Variants in FAM217B observed in about 807,000 individuals in gnomAD.
The protein encoded by FAM217B is protein FAM217B.
For missense variants in FAM217B, 463 were observed against 456.9 expected (o/e 1.01, Z -0.12); for synonymous variants, 163 against 173.0 (o/e 0.94, Z 0.45).
chr20:59,936,901 T>C (rs1308717789), upstream of FAM217B: 1 of 151,936 alleles, frequency 6.6e-6, no homozygotes, highest in East Asian at 1.9e-4. Flanking sequence ...TAAAATATGT[T>C]TGGGGGGACA....
upstream of FAM217B, chr20:59,939,016 C>T: frequency 1.3e-6 from 2 of 1,493,112 alleles, no homozygotes; most frequent in Non-Finnish European, 1.8e-6. Context: ...CTCCAGGTGG[C>T]CGGTCCCCGC....
intron 3 of FAM217B, among the ~76,000 whole-genome samples, chr20:59,943,213 T>G (rs2060915058): frequency 6.6e-6 from 1 of 152,228 alleles, no homozygotes; most frequent in South Asian, 2.1e-4. Flanking sequence ...ATACTCATAA[T>G]GCACACAGTA....
In FAM217B at chr20:59,947,148, A is replaced by AAAG. The variant is rs1164059605; in HGVS notation, c.*2054_*2056dup. 1 of 167,112 alleles carries AAAG rather than the reference A, an allele frequency of 6.0e-6. No individual in the cohort carries two copies. The highest frequency in any genetic ancestry group is 1.5e-5 in the Non-Finnish European group (1 of 68,136). The allele number at this position is 167,112 out of a possible 1,614,324, so 10.4% of individuals were successfully genotyped here. On this transcript the variant is annotated 3_prime_UTR_variant, in exon 4 of 4. Coordinates refer to ENST00000360816, the MANE Select transcript of FAM217B (RefSeq NM_022106.3). Reference sequence around the variant, plus strand: ...TTAGAGACCTTGAATGGTTGAGGGTAAAGTGATTTATTAGTAATTCTACTT... The same window carrying AAAG: ...TTAGAGACCTTGAATGGTTGAGGGTAAAGAAGTGATTTATTAGTAATTCTACTT...
In FAM217B at chr20:59,945,621, C is replaced by T. The variant is rs1283199288; in HGVS notation, c.*526C>T. Reference sequence around the variant, plus strand: ...CCCTTAGGAGAAGCTTTAGTTCTTCCTCAAGTCAGGGAGTAGTGAGTTTGT... The same window carrying T: ...CCCTTAGGAGAAGCTTTAGTTCTTCTTCAAGTCAGGGAGTAGTGAGTTTGT... On this transcript the variant is annotated 3_prime_UTR_variant, in exon 4 of 4. Transcript: ENST00000360816. 6 of 167,684 alleles carry T rather than the reference C, an allele frequency of 3.6e-5. No homozygotes were observed. Among genetic ancestry groups the T allele is most frequent in the African/African-American group, 4.8e-5 (2 of 41,448 alleles). 10.4% of individuals were successfully genotyped at this position (167,684 alleles called of 1,614,324 possible). A position where few individuals can be genotyped will look rare whatever the true frequency, so the allele number is the denominator to read the frequency against.
chr20:59,935,688 G>A (rs1340423479), upstream of FAM217B, among the ~76,000 whole-genome samples: 5 of 152,326 alleles, frequency 3.3e-5, no homozygotes, highest in Middle Eastern at 3.4e-3. Context: ...GGAGAATTCT[G>A]CTTGAGCCCA....
upstream of FAM217B, chr20:59,936,882 A>G (rs2060865842): frequency 6.6e-6 from 1 of 152,504 alleles, no homozygotes; most frequent in Non-Finnish European, 1.5e-5. Flanking sequence ...ATCATTTTAA[A>G]TAACATATTA....
At position 59,943,973 on chromosome 20, in the gene FAM217B, G is replaced by A. The variant is rs777622355; in HGVS notation, c.30G>A (p.Val10=). The stretch of plus-strand genomic sequence containing the variant: ...ATGCTGGCCCATCTTGGAATAAAGT[G>A]CAACATTCAAAGAATTCTTCAGGAA... The part of the protein sequence containing the change: MNAGPSWNK[V]QHSKNSSGKR... The change falls in exon 4 of 4, where the codon GTG becomes GTA. Residue 10 remains valine, a synonymous_variant. Coordinates refer to ENST00000360816, the MANE Select transcript of FAM217B (RefSeq NM_022106.3). 4.5e-5 allele frequency: 73 copies of A among 1,608,562 alleles called. No homozygotes were observed. Among genetic ancestry groups the A allele is most frequent in the Non-Finnish European group, 5.9e-5 (69 of 1,178,328 alleles).
rs985868442 is a variant in FAM217B, at chr20:59,947,700, G to A, written c.*2605G>A. ...TGACTATTTTAACCAATATTGTCAC[G>A]ACTAGATCATAGCTCCTAGTGAATA... On this transcript the variant is annotated 3_prime_UTR_variant, in exon 4 of 4. Coordinates refer to ENST00000360816, the MANE Select transcript of FAM217B (RefSeq NM_022106.3). 1.2e-5 allele frequency: 2 copies of A among 166,954 alleles called. No individual in the cohort carries two copies. Among genetic ancestry groups the A allele is most frequent in the African/African-American group, 4.8e-5 (2 of 41,396 alleles). 10.3% of individuals were successfully genotyped at this position (166,954 alleles called of 1,614,324 possible). A position where few individuals can be genotyped will look rare whatever the true frequency, so the allele number is the denominator to read the frequency against.
chr20:59,940,014 C>A, upstream of FAM217B: 1 of 1,147,494 alleles, frequency 8.7e-7, no homozygotes, highest in Non-Finnish European at 1.1e-6. Context: ...GCTCAGAAGC[C>A]GCAGAGAGTC....
chr20:59,934,370 G>A (rs1302190541), intron 1 of FAM217B, among the ~76,000 whole-genome samples: 1 of 152,238 alleles, frequency 6.6e-6, no homozygotes, highest in Non-Finnish European at 1.5e-5. Context: ...TTCTGAGACA[G>A]GCACAGCCGC....
upstream of FAM217B, chr20:59,939,635 C>T: frequency 1.9e-6 from 3 of 1,573,208 alleles, no homozygotes; most frequent in Non-Finnish European, 2.6e-6. Context: ...CGCGGAGCTT[C>T]TGGCTGCAGC....
At chr20:59,934,310 C>A (rs1326301823) in intron 1 of FAM217B, among the ~76,000 whole-genome samples, 1 of 152,228 alleles carries the variant, frequency 6.6e-6, no homozygotes, top group Non-Finnish European at 1.5e-5. Flanking sequence ...TTTAAGAGAT[C>A]CGTTTAACTT....
At position 59,945,154 on chromosome 20, in the gene FAM217B, A is replaced by G; in HGVS notation, c.*59A>G. 5 of 1,369,570 alleles carry G rather than the reference A, an allele frequency of 3.7e-6. No homozygotes were observed. In the South Asian group the frequency reaches 6.2e-5, roughly 17 times the overall value. The allele number at this position is 1,369,570 out of a possible 1,614,324, so 84.8% of individuals were successfully genotyped here. Reference sequence around the variant, plus strand: ...GTACCTCAATGTTAGAGCGCTTCCAAAAGTCAAAATACTGTGAATTTTAAG... The same window carrying G: ...GTACCTCAATGTTAGAGCGCTTCCAGAAGTCAAAATACTGTGAATTTTAAG... On this transcript the variant is annotated 3_prime_UTR_variant, in exon 4 of 4. Coordinates refer to ENST00000360816, the MANE Select transcript of FAM217B (RefSeq NM_022106.3).
rs571627666 is a variant in FAM217B, at chr20:59,946,383, C to T, written c.*1288C>T. 6.0e-6 allele frequency: 1 copy of T among 166,934 alleles called. No homozygotes were observed. The highest frequency in any genetic ancestry group is 2.1e-4 in the South Asian group (1 of 4,818). 10.3% of individuals were successfully genotyped at this position (166,934 alleles called of 1,614,324 possible). On this transcript the variant is annotated 3_prime_UTR_variant, in exon 4 of 4. Transcript: ENST00000360816. ...TTTGACGTAGAGGTTTCAATTTTTT[C>T]ACCTTGGGGGCAAATGAAAAACTTG...
upstream of FAM217B, among the ~76,000 whole-genome samples, chr20:59,935,630 G>T (rs759397773): frequency 6.6e-6 from 1 of 152,218 alleles, no homozygotes; most frequent in African/African-American, 2.4e-5. Flanking sequence ...GCCAGGCGTG[G>T]TGGCATGTGC....
rs1302027231 is a variant in FAM217B at position 59,946,238 on chromosome 20, A to G, written c.*1143A>G. ...CTTCTTATTTCACTGCAGTTAAATAACATCTTCTTGTTCCTATAGTTGTGC... is the reference window on the plus strand; with the variant it reads ...CTTCTTATTTCACTGCAGTTAAATAGCATCTTCTTGTTCCTATAGTTGTGC... On this transcript the variant is annotated 3_prime_UTR_variant, in exon 4 of 4. Coordinates refer to ENST00000360816, the MANE Select transcript of FAM217B (RefSeq NM_022106.3). 1 of 167,036 alleles carries G rather than the reference A, an allele frequency of 6.0e-6. No homozygotes were observed. Among genetic ancestry groups the G allele is most frequent in the East Asian group, 1.9e-4 (1 of 5,204 alleles). The allele number at this position is 167,036 out of a possible 1,614,324, so 10.3% of individuals were successfully genotyped here.
At chr20:59,940,251 C>G (rs2060893242), upstream of FAM217B, 1 of 227,168 alleles carries the variant, frequency 4.4e-6, no homozygotes. Flanking sequence ...AAGAAGGCTG[C>G]GTTCCGGGAG....
chr20:59,936,057 G>A (rs146966725), upstream of FAM217B, among the ~76,000 whole-genome samples: 96 of 152,266 alleles, frequency 6.3e-4, no homozygotes, highest in Non-Finnish European at 1.2e-3. Context: ...AGATGGTATA[G>A]CCTACTACAC....
rs1356417985 is a variant in FAM217B, at chr20:59,946,240, ATCT to A, written c.*1150_*1152del. The A allele has an allele frequency of 5.4e-5, 9 of 167,144 alleles. No homozygotes were observed. The South Asian group carries it at 1.2e-3, about 23-fold the overall frequency. 10.4% of individuals were successfully genotyped at this position (167,144 alleles called of 1,614,324 possible). ...TCTTATTTCACTGCAGTTAAATAAC[ATCT>A]TCTTGTTCCTATAGTTGTGCTGTGA... On this transcript the variant is annotated 3_prime_UTR_variant, in exon 4 of 4. Coordinates refer to ENST00000360816, the MANE Select transcript of FAM217B (RefSeq NM_022106.3).
Sources: allele counts gnomAD v4.1 joint callset (sites outside exome capture counted in the v4.1 genomes callset), GRCh38; gene constraint gnomAD v4.1.1; transcripts MANE v1.5; gene names NCBI Gene and HGNC (gene_info 2026-07-23, HGNC 2026-07-21).